The following MAD1L1 variants were observed in gnomAD, a reference collection of about 807,000 sequenced individuals.
MAD1L1 encodes mitotic arrest deficient 1 like 1, also known as mitotic spindle assembly checkpoint protein MAD1.
In MAD1L1, 95 loss-of-function variants were observed where a neutral mutation model predicts 96.9. The observed-to-expected ratio is 0.98, with a 90% CI of 0.83 to 1.16. MAD1L1 has a LOEUF of 1.16. MAD1L1 is among the 50% of genes most tolerant of loss of function. The probability of loss-of-function intolerance (pLI) is 0.00; values close to 1 mark genes in which losing one functional copy is unlikely to be tolerated. For synonymous variants in MAD1L1, 473 were observed against 396.6 expected (o/e 1.19, Z -2.29); for missense variants, 1,007 against 954.4 (o/e 1.06, Z -0.73).
intron 18 of MAD1L1, among the ~76,000 whole-genome samples, chr7:1,867,082 G>A (rs1161368459): frequency 6.6e-6 from 1 of 152,228 alleles, no homozygotes; most frequent in Non-Finnish European, 1.5e-5. Flanking sequence ...GCTGAGGTCG[G>A]CTGCAGTACT....
chr7:2,165,133 G>T (rs1286253257), intron 10 of MAD1L1, among the ~76,000 whole-genome samples: 1 of 152,044 alleles, frequency 6.6e-6, no homozygotes, highest in African/African-American at 2.4e-5. Flanking sequence ...CAACCCGGGA[G>T]GTGGAGGTTG....
intron 5 of MAD1L1, chr7:2,220,826 AACATACTAACAATAAAC>A: frequency 6.6e-7 from 1 of 1,509,044 alleles, no homozygotes; most frequent in East Asian, 2.3e-5. Flanking sequence ...AGGTATTAAA[AACATACTAACAATAAAC>A]ACATCCTCCC....
At chr7:2,039,027 C>G (rs1008765714) in intron 12 of MAD1L1, among the ~76,000 whole-genome samples, 3 of 152,206 alleles carry the variant, frequency 2.0e-5, no homozygotes. Context: ...TTCACAGCCA[C>G]GATTCCTCCT....
intron 15 of MAD1L1, among the ~76,000 whole-genome samples, chr7:1,963,555 C>T (rs562729012): frequency 1.3e-5 from 2 of 152,312 alleles, no homozygotes; most frequent in African/African-American, 4.8e-5. Context: ...CTTGACATCG[C>T]GCAGCTTACT....
At chr7:1,969,979 T>G (rs560030462) in intron 15 of MAD1L1, among the ~76,000 whole-genome samples, 1 of 152,232 alleles carries the variant, frequency 6.6e-6, no homozygotes, top group Admixed American at 6.5e-5. Context: ...GGGAGACTCA[T>G]AGCTCCTGAC....
chr7:2,149,085 C>G, intron 11 of MAD1L1, 67 bp downstream of exon 11: 1 of 1,430,852 alleles, frequency 7.0e-7, no homozygotes. Flanking sequence ...GGGGCACACA[C>G]TCTCACTCAC....
intron 10 of MAD1L1, among the ~76,000 whole-genome samples, chr7:2,175,605 A>G (rs1272606826): frequency 6.6e-6 from 1 of 151,822 alleles, no homozygotes; most frequent in Admixed American, 6.6e-5. Flanking sequence ...CATCCCCCAA[A>G]CTGGTCCTAG....
intron 17 of MAD1L1, among the ~76,000 whole-genome samples, chr7:1,917,969 G>A (rs1196209204): frequency 6.6e-6 from 1 of 152,174 alleles, no homozygotes; most frequent in African/African-American, 2.4e-5. Flanking sequence ...TCAGCCCAGA[G>A]CCCAGCAGAC....
At position 1,936,214 on chromosome 7, in the gene MAD1L1, G is replaced by A. The variant is rs140668006; in HGVS notation, c.1807+473C>T. Reference sequence around the variant, plus strand: ...GCGTTCCAAAGGCCGTGGGCCTCATGTAGACCTGGAGGGTGTGGGCAGGCC... The same window carrying A: ...GCGTTCCAAAGGCCGTGGGCCTCATATAGACCTGGAGGGTGTGGGCAGGCC... On this transcript the variant is annotated intron_variant, in intron 17 of 18. Transcript: ENST00000265854. 1.1e-3 allele frequency among the ~76,000 whole-genome samples: 168 copies of A among 152,360 alleles called. 1 individual carries two copies. Among genetic ancestry groups the A allele is most frequent in the African/African-American group, 1.5e-3 (63 of 41,584 alleles).
chr7:1,887,451 G>C (rs1017524203), intron 18 of MAD1L1, among the ~76,000 whole-genome samples: 5 of 151,858 alleles, frequency 3.3e-5, no homozygotes, highest in Non-Finnish European at 7.4e-5. Context: ...GCCTCTGTGT[G>C]TGCGTGCACA....
At chr7:1,871,721 ACCTGCCACGCTGAACCCAACATACG>A (rs1435977041) in intron 18 of MAD1L1, among the ~76,000 whole-genome samples, 21 of 135,846 alleles carry the variant, frequency 1.5e-4, no homozygotes, top group South Asian at 2.4e-4. Flanking sequence ...GCCAACATAC[ACCTGCCACGCTGAACCCAACATACG>A]CCTGCCACGC....
intron 18 of MAD1L1, among the ~76,000 whole-genome samples, chr7:1,830,076 C>T (rs1164115069): frequency 2.6e-5 from 4 of 152,264 alleles, no homozygotes; most frequent in African/African-American, 9.6e-5. Flanking sequence ...GCCCTTCAGA[C>T]AGAAGGAAAA....
chr7:2,094,843 G>C (rs1786400525), intron 11 of MAD1L1, among the ~76,000 whole-genome samples: 1 of 152,188 alleles, frequency 6.6e-6, no homozygotes, highest in African/African-American at 2.4e-5. Context: ...AACTGGGTGG[G>C]AGTTCCAGGA....
chr7:2,033,294 A>G (rs1783315883), intron 12 of MAD1L1, among the ~76,000 whole-genome samples: 2 of 152,178 alleles, frequency 1.3e-5, no homozygotes, highest in South Asian at 2.1e-4. Flanking sequence ...ACCAGCCCAG[A>G]TGACCCGGTC....
intron 11 of MAD1L1, among the ~76,000 whole-genome samples, chr7:2,072,943 AC>A (rs1264468381): frequency 6.6e-6 from 1 of 152,220 alleles, no homozygotes; most frequent in Non-Finnish European, 1.5e-5. Flanking sequence ...AGTAACGCAC[AC>A]CCACAGGACA....
At chr7:1,907,930 C>G (rs573847636) in intron 17 of MAD1L1, among the ~76,000 whole-genome samples, 28 of 152,284 alleles carry the variant, frequency 1.8e-4, no homozygotes, top group African/African-American at 6.0e-4. Context: ...ACAGGGTGAC[C>G]GCCCTGGCCC....
At chr7:2,042,901 GTCCACATCCACGTCCACGTCCACA>G (rs1783754169) in intron 12 of MAD1L1, among the ~76,000 whole-genome samples, 1 of 96,968 alleles carries the variant, frequency 1.0e-5, no homozygotes, top group Non-Finnish European at 2.1e-5. Flanking sequence ...CCACGTCCAC[GTCCACATCCACGTCCACGTCCACA>G]TCAAGGCAGT....
intron 12 of MAD1L1, among the ~76,000 whole-genome samples, chr7:2,068,623 T>G (rs377199580): frequency 6.6e-6 from 1 of 152,076 alleles, no homozygotes; most frequent in African/African-American, 2.4e-5. Context: ...CCGCCTTGTC[T>G]TCTGAAATTT....
intron 12 of MAD1L1, among the ~76,000 whole-genome samples, chr7:2,017,521 G>A (rs940157352): frequency 3.9e-5 from 6 of 152,306 alleles, no homozygotes; most frequent in East Asian, 1.9e-4. Context: ...AGTAGAGGGC[G>A]GCTCTGCCCT....
Sources: gnomAD v4.1 joint callset for allele counts (sites outside exome capture counted in the v4.1 genomes callset) on GRCh38, gnomAD v4.1.1 for gene constraint, MANE v1.5 for transcripts, NCBI Gene and HGNC (gene_info 2026-07-23, HGNC 2026-07-21) for gene names.